EPHB2: variants seen among roughly 807,000 people sequenced by gnomAD.
The protein encoded by EPHB2 is ephrin type-B receptor 2.
In EPHB2, 18 loss-of-function variants were observed where a neutral mutation model predicts 96.4. That is an observed-to-expected ratio of 0.19 (90% CI 0.13 to 0.28). EPHB2 has a LOEUF of 0.28. EPHB2 is among the 10% of genes least tolerant of loss of function. EPHB2 has a pLI of 1.00. For missense variants in EPHB2, 989 were observed against 1,355.4 expected (o/e 0.73, Z 4.25); for synonymous variants, 506 against 534.1 (o/e 0.95, Z 0.72).
intron 12 of EPHB2, 126 bp downstream of exon 12, chr1:22,908,294 C>A: frequency 8.9e-7 from 1 of 1,128,558 alleles, no homozygotes; most frequent in Non-Finnish European, 1.3e-6. Context: ...GCCCTGGAGA[C>A]AGGAAGACAG....
intron 3 of EPHB2, among the ~76,000 whole-genome samples, chr1:22,852,601 G>A (rs1385942311): frequency 1.3e-5 from 2 of 152,124 alleles, no homozygotes; most frequent in African/African-American, 2.4e-5. Flanking sequence ...CAATGCGGGG[G>A]TCCAGGGGCT....
intron 1 of EPHB2, among the ~76,000 whole-genome samples, chr1:22,750,341 G>C (rs527878772): frequency 1.2e-4 from 19 of 152,174 alleles, no homozygotes; most frequent in Non-Finnish European, 2.5e-4. Context: ...TGGGTGCTGA[G>C]GCCCGGACCC....
intron 3 of EPHB2, among the ~76,000 whole-genome samples, chr1:22,815,623 C>T (rs904396267): frequency 1.2e-4 from 19 of 152,238 alleles, no homozygotes; most frequent in African/African-American, 4.1e-4. Flanking sequence ...TCTCAGGGGC[C>T]GTTCAAAGAT....
chr1:22,911,122 A>G (rs1230673484), intron 14 of EPHB2, among the ~76,000 whole-genome samples: 1 of 147,476 alleles, frequency 6.8e-6, no homozygotes. Flanking sequence ...CCTGAGTGGC[A>G]AGAGTGAAAC....
intron 3 of EPHB2, among the ~76,000 whole-genome samples, chr1:22,792,087 G>C (rs997826707): frequency 1.3e-5 from 2 of 152,044 alleles, no homozygotes; most frequent in Non-Finnish European, 2.9e-5. Context: ...AGGGGCCAGG[G>C]GTCCTTTCTG....
intron 1 of EPHB2, chr1:22,719,640 CCT>C (rs770336890): frequency 1.5e-4 from 23 of 152,250 alleles, no homozygotes; most frequent in African/African-American, 5.6e-4. Flanking sequence ...TGGATCTGCC[CCT>C]GTTACCCTGT....
Position 22,864,860 on chromosome 1 carries a change from C to T in EPHB2, c.968-17C>T, listed in dbSNP as rs1488758199. ...CCCCTGAGCCCCCCACTGACCAACA[C>T]CTCTCCCCCGCCCCAGCCATCCCCT... is the stretch of plus-strand genomic sequence containing the variant. On this transcript the variant is annotated splice_polypyrimidine_tract_variant and intron_variant, in intron 4 of 15. Transcript: ENST00000374630. The T allele has an allele frequency of 6.3e-7, 1 of 1,579,212 alleles. No homozygotes were observed. Among genetic ancestry groups the T allele is most frequent in the Admixed American group, 1.7e-5 (1 of 58,662 alleles).
At chr1:22,818,532 A>G (rs568985655) in intron 3 of EPHB2, among the ~76,000 whole-genome samples, 4 of 152,168 alleles carry the variant, frequency 2.6e-5, no homozygotes, top group Admixed American at 6.5e-5. Context: ...TACCTAAAAC[A>G]TGTCCTGATT....
chr1:22,741,527 A>G (rs2148365990), intron 1 of EPHB2, among the ~76,000 whole-genome samples: 1 of 151,898 alleles, frequency 6.6e-6, no homozygotes, highest in Middle Eastern at 3.4e-3. Flanking sequence ...GCATAGAATA[A>G]CTCTGGCACA....
chr1:22,845,956 G>T (rs745681206), intron 3 of EPHB2, among the ~76,000 whole-genome samples: 1 of 152,168 alleles, frequency 6.6e-6, no homozygotes, highest in Non-Finnish European at 1.5e-5. Context: ...AACTGAGAAG[G>T]TGTGGGATCT....
chr1:22,913,743 C>G lies in EPHB2; in HGVS notation c.*173C>G. 3 of 1,602,968 alleles carry G rather than the reference C, an allele frequency of 1.9e-6. No homozygotes were observed. The highest frequency in any genetic ancestry group is 2.6e-6 in the Non-Finnish European group (3 of 1,174,868). ...GACGTCACCAAGAAAACATGCAACT[C>G]AAACGACGGAAAAAAAAAGGGAATG... On this transcript the variant is annotated 3_prime_UTR_variant, in exon 16 of 16. Transcript: ENST00000374630. The surrounding 1 kb of genome is among the most constrained non-coding windows in gnomAD (Gnocchi z 4.1).
At chr1:22,896,031 C>T (rs907259112) in intron 8 of EPHB2, among the ~76,000 whole-genome samples, 33 of 152,180 alleles carry the variant, frequency 2.2e-4, no homozygotes, top group Admixed American at 1.6e-3. Flanking sequence ...GAGGGTGGGG[C>T]CAGTTCCTTG....
chr1:22,868,340 C>T (rs948235461), intron 5 of EPHB2, among the ~76,000 whole-genome samples: 8 of 152,072 alleles, frequency 5.3e-5, no homozygotes, highest in Non-Finnish European at 8.8e-5. Flanking sequence ...TTGGCTTTGC[C>T]GTTCATTTGC....
intron 1 of EPHB2, among the ~76,000 whole-genome samples, chr1:22,716,021 G>A (rs1643285644): frequency 6.6e-6 from 1 of 152,164 alleles, no homozygotes; most frequent in South Asian, 2.1e-4. Flanking sequence ...CCAGGCACCA[G>A]ATCAGCCTTC....
intron 5 of EPHB2, among the ~76,000 whole-genome samples, chr1:22,868,891 A>G (rs1035968012): frequency 2.0e-5 from 3 of 152,156 alleles, no homozygotes. Context: ...CATAAGAACT[A>G]TATGTAAGCA....
At chr1:22,752,096 G>T (rs919584320) in intron 1 of EPHB2, among the ~76,000 whole-genome samples, 1 of 152,224 alleles carries the variant, frequency 6.6e-6, no homozygotes, top group Non-Finnish European at 1.5e-5. Flanking sequence ...ACCATGCAGG[G>T]TTATTGTGAA....
intron 15 of EPHB2, 54 bp downstream of exon 15, chr1:22,912,653 C>A: frequency 6.2e-7 from 1 of 1,607,340 alleles, no homozygotes; most frequent in Non-Finnish European, 8.5e-7. Flanking sequence ...TCCACCGGCC[C>A]CACCAGCCAA....
intron 3 of EPHB2, among the ~76,000 whole-genome samples, chr1:22,849,320 G>A (rs74061054): frequency 0.017 from 2,527 of 152,164 alleles, 66 homozygotes; most frequent in African/African-American, 0.056. Context: ...GCCCTTGTCC[G>A]TCTCCTTCGT....
chr1:22,777,295 T>C (rs1469788443), intron 1 of EPHB2, among the ~76,000 whole-genome samples: 4 of 152,158 alleles, frequency 2.6e-5, no homozygotes, highest in African/African-American at 7.2e-5. Context: ...CTTGGGCAAG[T>C]TCCTGGGGCT....
Sources: allele counts gnomAD v4.1 joint callset (sites outside exome capture counted in the v4.1 genomes callset), GRCh38; gene constraint gnomAD v4.1.1; non-coding constraint Gnocchi (gnomAD v3.1); transcripts MANE v1.5; gene names NCBI Gene and HGNC (gene_info 2026-07-23, HGNC 2026-07-21).